PNPT1: variants seen among roughly 807,000 people sequenced by gnomAD.
PNPT1 encodes polyribonucleotide nucleotidyltransferase 1, mitochondrial.
PNPT1 carries 53 observed loss-of-function variants against 119.5 expected under a neutral mutation model. The ratio of observed to expected loss-of-function variants is 0.44; its 90% confidence interval spans 0.36 to 0.56. The LOEUF (loss-of-function observed/expected upper bound fraction) is 0.56. Among genes scored for constraint, PNPT1 ranks in the 20% least tolerant of loss-of-function variants. The pLI, the probability that PNPT1 is intolerant of heterozygous loss-of-function variation, is 0.00. For synonymous variants in PNPT1, 357 were observed against 322.1 expected (o/e 1.11, Z -1.16); for missense variants, 948 against 938.5 (o/e 1.01, Z -0.13).
chr2:55,674,916 T>G (rs921345002), intron 8 of PNPT1, among the ~76,000 whole-genome samples: 10 of 152,246 alleles, frequency 6.6e-5, no homozygotes, highest in African/African-American at 2.4e-4. Flanking sequence ...CGGAGATTTT[T>G]AAAAATTCAT....
chr2:55,640,231 G>A (rs557998665), intron 26 of PNPT1, among the ~76,000 whole-genome samples: 23 of 151,944 alleles, frequency 1.5e-4, no homozygotes, highest in African/African-American at 3.6e-4. Context: ...TTGGCTCACC[G>A]CATCCTCCGC....
At chr2:55,691,878 A>ATATTTT (rs1326804958) in intron 1 of PNPT1, among the ~76,000 whole-genome samples, 2 of 33,124 alleles carry the variant, frequency 6.0e-5, no homozygotes, top group African/African-American at 1.9e-4. Flanking sequence ...ATATATATAT[A>ATATTTT]TTTTTTTTTT....
chr2:55,692,465 T>G (rs1320527748), intron 1 of PNPT1, among the ~76,000 whole-genome samples: 1 of 152,220 alleles, frequency 6.6e-6, no homozygotes, highest in Non-Finnish European at 1.5e-5. Context: ...TTTAGATATA[T>G]GAAGTTTGCA....
At chr2:55,638,611 T>C (rs758487647) in intron 26 of PNPT1, among the ~76,000 whole-genome samples, 5 of 152,030 alleles carry the variant, frequency 3.3e-5, no homozygotes, top group Non-Finnish European at 7.4e-5. Flanking sequence ...ATCATGCCAC[T>C]ATACTCCAGC....
intron 12 of PNPT1, 22 bp downstream of exon 12, chr2:55,667,840 C>T: frequency 6.3e-7 from 1 of 1,585,276 alleles, no homozygotes; most frequent in Non-Finnish European, 8.6e-7. Context: ...ACTTCAATTT[C>T]AACAAAAAAG....
intron 1 of PNPT1, among the ~76,000 whole-genome samples, chr2:55,692,057 G>C (rs1407745578): frequency 1.3e-5 from 2 of 151,368 alleles, no homozygotes; most frequent in African/African-American, 4.9e-5. Context: ...AGCTAATTTT[G>C]TATTTTTAGT....
chr2:55,646,029 T>C (rs1572798397), intron 21 of PNPT1, among the ~76,000 whole-genome samples: 2 of 151,796 alleles, frequency 1.3e-5, no homozygotes, highest in Non-Finnish European at 2.9e-5. Flanking sequence ...GGTTTCACCA[T>C]GTTGGCCAGG....
chr2:55,658,670 G>A (rs1324308088), intron 15 of PNPT1, among the ~76,000 whole-genome samples: 1 of 152,024 alleles, frequency 6.6e-6, no homozygotes, highest in Non-Finnish European at 1.5e-5. Context: ...ACTGCCATGT[G>A]CTCTCCAGCT....
rs779101982 is a variant in PNPT1 at position 55,660,160 on chromosome 2, G to A, written c.1281C>T (p.Tyr427=). Residue 427 remains tyrosine, a synonymous_variant, in exon 15 of 28, where the codon TAC becomes TAT. Transcript: ENST00000447944. ...TGAGGAAAAAAATTCACCTTACCTCGTAGTGCAGCATGAAATTTTTATCTT... is the reference window on the plus strand; with the variant it reads ...TGAGGAAAAAAATTCACCTTACCTCATAGTGCAGCATGAAATTTTTATCTT... The part of the protein sequence containing the change: ...GIKDKNFMLH[Y]EFPPYATNEI... 1.6e-5 allele frequency: 25 copies of A among 1,589,146 alleles called. No individual in the cohort carries two copies. Among genetic ancestry groups the A allele is most frequent in the African/African-American group, 2.7e-5 (2 of 73,792 alleles).
intron 18 of PNPT1, among the ~76,000 whole-genome samples, chr2:55,651,463 C>CTGTG (rs1696198502): frequency 1.3e-5 from 2 of 152,126 alleles, no homozygotes; most frequent in African/African-American, 4.8e-5. Flanking sequence ...TCCTGTTGAT[C>CTGTG]TGTGACCTTA....
At chr2:55,645,324 G>A (rs375020061) in intron 22 of PNPT1, 25 bp downstream of exon 22, 166 of 1,541,546 alleles carry the variant, frequency 1.1e-4, no homozygotes, top group Admixed American at 5.3e-4. Flanking sequence ...GCGCCCAGCC[G>A]ATCACTAAAA....
intron 18 of PNPT1, among the ~76,000 whole-genome samples, chr2:55,648,650 A>G (rs1181695673): frequency 6.6e-6 from 1 of 152,108 alleles, no homozygotes; most frequent in Admixed American, 6.6e-5. Context: ...GGCCTTCAAC[A>G]CTTTTCTACT....
At chr2:55,669,970 G>C (rs1696857539) in intron 11 of PNPT1, among the ~76,000 whole-genome samples, 1 of 151,892 alleles carries the variant, frequency 6.6e-6, no homozygotes, top group African/African-American at 2.4e-5. Flanking sequence ...TATTGGCCAG[G>C]CTGGTCTTGA....
rs578188709 is a variant in PNPT1, at chr2:55,652,085, G to A, written c.1495+2815C>T. Among the ~76,000 whole-genome samples the A allele has an allele frequency of 5.9e-5, 9 of 152,270 alleles. No homozygotes were observed. The South Asian group carries it at 8.3e-4, about 14-fold the overall frequency. ...CTCAGCCTTTAAAATCAGATGAAAT[G>A]TAGCAGTCTCTCTCAGCCAATTATG... On this transcript the variant is annotated intron_variant, in intron 18 of 27. Coordinates refer to ENST00000447944, the MANE Select transcript of PNPT1 (RefSeq NM_033109.5).
chr2:55,639,243 T>C (rs1043816585), intron 26 of PNPT1, among the ~76,000 whole-genome samples: 10 of 152,252 alleles, frequency 6.6e-5, no homozygotes, highest in African/African-American at 2.4e-4. Flanking sequence ...TAGTGTATCA[T>C]TCTTTCAACT....
chr2:55,643,036 C>T lies in PNPT1; in HGVS notation c.2069+122G>A, dbSNP rs189888851. 66 of 997,356 alleles carry T rather than the reference C, an allele frequency of 6.6e-5. No individual in the cohort carries two copies. The East Asian group carries it at 1.4e-3, about 21-fold the overall frequency. The allele number at this position is 997,356 out of a possible 1,614,324, so 61.8% of individuals were successfully genotyped here. A position where few individuals can be genotyped will look rare whatever the true frequency, so the allele number is the denominator to read the frequency against. On this transcript the variant is annotated intron_variant, in intron 25 of 27. Transcript: ENST00000447944. The stretch of plus-strand genomic sequence containing the variant: ...GGCTGAGGTGGGAGAACTGCCTGAT[C>T]CCAGGAGTTCAAGGCAGCTGTGAGG...
At chr2:55,639,887 T>A (rs1695786559) in intron 26 of PNPT1, among the ~76,000 whole-genome samples, 1 of 152,148 alleles carries the variant, frequency 6.6e-6, no homozygotes, top group South Asian at 2.1e-4. Context: ...CCACCTTTTT[T>A]AAAAAGCACA....
rs1175579285 is a variant in PNPT1, at chr2:55,650,767, G to C, written c.1496-3314C>G. Among the ~76,000 whole-genome samples, 9 of 150,462 alleles carry C rather than the reference G, an allele frequency of 6.0e-5. No homozygotes were observed. The East Asian group carries it at 1.8e-3, about 30-fold the overall frequency. Reference sequence around the variant, plus strand: ...TCCGCCCGGCAACCGCCCAGTCTGAGAAGTGAGGAGCCCCTCCGCCCGGCA... The same window carrying C: ...TCCGCCCGGCAACCGCCCAGTCTGACAAGTGAGGAGCCCCTCCGCCCGGCA... On this transcript the variant is annotated intron_variant, in intron 18 of 27. Transcript: ENST00000447944.
chr2:55,639,855 C>G (rs896998872), intron 26 of PNPT1, among the ~76,000 whole-genome samples: 1 of 152,066 alleles, frequency 6.6e-6, no homozygotes, highest in Non-Finnish European at 1.5e-5. Flanking sequence ...CCCTCCTGCC[C>G]CAACAAGATT....
Sources: allele counts gnomAD v4.1 joint callset (sites outside exome capture counted in the v4.1 genomes callset), GRCh38; gene constraint gnomAD v4.1.1; transcripts MANE v1.5; gene names NCBI Gene and HGNC (gene_info 2026-07-23, HGNC 2026-07-21).